The following LARP1 variants were observed in gnomAD, a reference collection of about 807,000 sequenced individuals.
LARP1 encodes la-related protein 1.
LARP1 carries 36 observed loss-of-function variants against 122.7 expected under a neutral mutation model. That is an observed-to-expected ratio of 0.29 (90% confidence interval 0.22 to 0.39). The LOEUF (loss-of-function observed/expected upper bound fraction) is 0.39, where lower values mean the gene tolerates loss of function less well. LARP1 is among the 10% of genes least tolerant of loss of function. LARP1 has a pLI of 1.00. For missense variants in LARP1, 1,040 were observed against 1,403.6 expected, an observed-to-expected ratio of 0.74 and a Z score of 4.14; for synonymous variants, 539 against 528.7, an observed-to-expected ratio of 1.02 and a Z score of -0.27.
rs572716720 is a variant in LARP1, at chr5:154,814,239, A to T, written c.*143A>T. On this transcript the variant is annotated 3_prime_UTR_variant, in exon 19 of 19. Transcript: ENST00000518297. ...AGGCCTTTGTGCTGAGTAGCAATGTATACACCATTTGGGCTATCAGAGGTA... is the reference window on the plus strand; with the variant it reads ...AGGCCTTTGTGCTGAGTAGCAATGTTTACACCATTTGGGCTATCAGAGGTA... 1.3e-6 allele frequency: 1 copy of T among 797,350 alleles called. No individual in the cohort carries two copies. The highest frequency in any genetic ancestry group is 2.6e-5 in the Admixed American group (1 of 39,052). 49.4% of individuals were successfully genotyped at this position (797,350 alleles called of 1,614,324 possible).
intron 1 of LARP1, among the ~76,000 whole-genome samples, chr5:154,688,952 TAAA>T (rs746632954): frequency 2.0e-5 from 3 of 152,356 alleles, no homozygotes; most frequent in Non-Finnish European, 2.9e-5. Flanking sequence ...AATTTTTACA[TAAA>T]AAATTAAATT....
chr5:154,755,663 C>G lies in LARP1; in HGVS notation c.-95C>G, dbSNP rs1753800994. 6 of 987,604 alleles carry G rather than the reference C, an allele frequency of 6.1e-6. No homozygotes were observed. Among genetic ancestry groups the G allele is most frequent in the South Asian group, 4.7e-5 (1 of 21,428 alleles). 61.2% of individuals were successfully genotyped at this position (987,604 alleles called of 1,614,324 possible). A position where few individuals can be genotyped will look rare whatever the true frequency, so the allele number is the denominator to read the frequency against. ...CTGCAGGGACTGGGGCCCAGCGCCC[C>G]GGAGGAAGGCGTCGCGGGCGCTCTG... is the stretch of plus-strand genomic sequence containing the variant. On this transcript the variant is annotated 5_prime_UTR_variant, in exon 1 of 19. Transcript: ENST00000518297.
chr5:154,698,372 G>C (rs1271873643), intron 1 of LARP1, among the ~76,000 whole-genome samples: 2 of 152,130 alleles, frequency 1.3e-5, no homozygotes, highest in Non-Finnish European at 2.9e-5. Flanking sequence ...CGAGGAGGGT[G>C]GATCACCTGA....
intron 14 of LARP1, chr5:154,805,208 T>C (rs1758669869): frequency 7.8e-6 from 2 of 257,140 alleles, no homozygotes; most frequent in Non-Finnish European, 1.5e-5. Context: ...TACACATACC[T>C]CTGAACCTAA....
chr5:154,762,066 C>A (rs2113598164), intron 1 of LARP1, among the ~76,000 whole-genome samples: 1 of 152,208 alleles, frequency 6.6e-6, no homozygotes, highest in South Asian at 2.1e-4. Context: ...CATAGTGAAA[C>A]CTCGTCTCTA....
At chr5:154,714,495 A>G (rs9324793) in intron 1 of LARP1, among the ~76,000 whole-genome samples, 4,209 of 152,326 alleles carry the variant, frequency 0.028, 213 homozygotes, top group African/African-American at 0.093. Flanking sequence ...ATGTGGCCCC[A>G]TTGGAAGCAG....
rs765076218 is a variant in LARP1, at chr5:154,802,268, G to C, written c.1978G>C (p.Asp660His). Residue 660 changes from aspartate to histidine, a missense_variant, in exon 11 of 19, where the codon GAC (aspartate) becomes CAC (histidine). This residue lies in a region of LARP1 where 362 missense variants were observed against 533.1 expected (regional missense o/e 0.68). Transcript: ENST00000518297. This position sits in a 1 kb window ranked among gnomAD's most constrained non-coding sequence, Gnocchi z 5.1. ...TTACATGCGCCGGCACCCAGGGGGG[G>C]ACCGCACAGGCAACCACACCTCGCG... ...PHYMRRHPGG[D>H]RTGNHTSRAK... 16 of 1,614,184 alleles carry C rather than the reference G, an allele frequency of 9.9e-6. No individual in the cohort carries two copies. Among genetic ancestry groups the C allele is most frequent in the Middle Eastern group, 1.6e-4 (1 of 6,062 alleles).
At chr5:154,727,406 C>T (rs564061347) in intron 1 of LARP1, among the ~76,000 whole-genome samples, 6 of 152,116 alleles carry the variant, frequency 3.9e-5, no homozygotes, top group African/African-American at 9.6e-5. Context: ...GACAAGGGAA[C>T]GATATGTTTA....
chr5:154,723,889 A>G (rs964631157), intron 1 of LARP1, among the ~76,000 whole-genome samples: 1 of 152,184 alleles, frequency 6.6e-6, no homozygotes, highest in Non-Finnish European at 1.5e-5. Context: ...CATGAGGGCT[A>G]CTGATTCTCC....
In LARP1 at chr5:154,814,542, C is replaced by T. The variant is rs1171153767; in HGVS notation, c.*446C>T. The T allele has an allele frequency of 6.5e-6, 1 of 152,804 alleles. No individual in the cohort carries two copies. Among genetic ancestry groups the T allele is most frequent in the Non-Finnish European group, 1.5e-5 (1 of 68,242 alleles). The allele number at this position is 152,804 out of a possible 1,614,324, so 9.5% of individuals were successfully genotyped here. A position where few individuals can be genotyped will look rare whatever the true frequency, so the allele number is the denominator to read the frequency against. ...CCACAAGAAGGCCCTGCGGGCCCCC[C>T]CATTGCCCAGCACTGTCTCATAGAA... On this transcript the variant is annotated 3_prime_UTR_variant, in exon 19 of 19. Coordinates refer to ENST00000518297, the MANE Select transcript of LARP1 (RefSeq NM_033551.3).
At chr5:154,780,190 C>T (rs1756307100) in intron 1 of LARP1, among the ~76,000 whole-genome samples, 1 of 152,188 alleles carries the variant, frequency 6.6e-6, no homozygotes, top group Non-Finnish European at 1.5e-5. Context: ...GCCTGCCTCT[C>T]AGGACAGACA....
chr5:154,793,837 C>G lies in LARP1; in HGVS notation c.906C>G (p.Pro302=), dbSNP rs200196703. The change falls in exon 6 of 19, where the codon CCC becomes CCG. Residue 302 remains proline, a synonymous_variant. Coordinates refer to ENST00000518297, the MANE Select transcript of LARP1 (RefSeq NM_033551.3). ...ESATYVPVAP[P]TPAWQPEIKP... ...CCACCTACGTGCCCGTGGCCCCCCCCACCCCAGCCTGGCAACCAGAGATCA... is the reference window on the plus strand; with the variant it reads ...CCACCTACGTGCCCGTGGCCCCCCCGACCCCAGCCTGGCAACCAGAGATCA... 3 of 1,614,088 alleles carry G rather than the reference C, an allele frequency of 1.9e-6. No homozygotes were observed. The highest frequency in any genetic ancestry group is 1.7e-5 in the Admixed American group (1 of 60,010).
At chr5:154,797,070 T>TA (rs1212369048) in intron 8 of LARP1, among the ~76,000 whole-genome samples, 1 of 152,152 alleles carries the variant, frequency 6.6e-6, no homozygotes, top group Non-Finnish European at 1.5e-5. Context: ...AAAGGAATTC[T>TA]AGTTCCTTTC....
chr5:154,708,673 G>T (rs564640290), upstream of LARP1, among the ~76,000 whole-genome samples: 9 of 152,250 alleles, frequency 5.9e-5, no homozygotes, highest in East Asian at 1.5e-3. Context: ...GAGTGCAATG[G>T]TGATCTCGGC....
At position 154,805,949 on chromosome 5, in the gene LARP1, TC is replaced by T; in HGVS notation, c.2617del (p.Gln873SerfsTer40). The T allele has an allele frequency of 6.2e-7, 1 of 1,614,178 alleles. No individual in the cohort carries two copies. Among genetic ancestry groups the T allele is most frequent in the Non-Finnish European group, 8.5e-7 (1 of 1,180,038 alleles). On this transcript the variant is annotated frameshift_variant, in exon 15 of 19. Coordinates refer to ENST00000518297, the MANE Select transcript of LARP1 (RefSeq NM_033551.3). LOFTEE classifies it high-confidence loss of function. ...TGTACCCCTCAGTCATTGCCCAAGT[TC>T]CAGCATCCTTCCCATGAACTGCTCA... ...YGCTPQSLPK[F>X]QHPSHELLKE...
chr5:154,686,029 T>C (rs574636872), intron 1 of LARP1, among the ~76,000 whole-genome samples: 17 of 152,194 alleles, frequency 1.1e-4, no homozygotes, highest in Non-Finnish European at 2.5e-4. Context: ...TAGGGAGTTA[T>C]TTATTTAAAA....
intron 1 of LARP1, among the ~76,000 whole-genome samples, chr5:154,760,040 A>G (rs992453110): frequency 6.6e-6 from 1 of 152,042 alleles, no homozygotes; most frequent in African/African-American, 2.4e-5. Flanking sequence ...CCCGGGTTCA[A>G]GCGATTCTCC....
At chr5:154,738,024 A>C (rs189618566) in intron 1 of LARP1, among the ~76,000 whole-genome samples, 9 of 152,162 alleles carry the variant, frequency 5.9e-5, no homozygotes, top group Admixed American at 3.9e-4. Context: ...GAGGCCCCTT[A>C]GGTTCTGTGG....
chr5:154,792,830 G>A, intron 4 of LARP1, 34 bp downstream of exon 4: 3 of 1,606,078 alleles, frequency 1.9e-6, no homozygotes, highest in Non-Finnish European at 1.7e-6. Context: ...GGGAGAAGGT[G>A]GCAGGGTAGA....
Sources: allele counts gnomAD v4.1 joint callset (sites outside exome capture counted in the v4.1 genomes callset), GRCh38; gene constraint gnomAD v4.1.1; regional missense constraint gnomAD v4.1.1; non-coding constraint Gnocchi (gnomAD v3.1); transcripts MANE v1.5; gene names NCBI Gene and HGNC (gene_info 2026-07-23, HGNC 2026-07-21).